PDE5A: variants seen among roughly 807,000 people sequenced by gnomAD.
PDE5A encodes phosphodiesterase 5A.
PDE5A carries 67 observed loss-of-function variants against 110.2 expected under a neutral mutation model. The ratio of observed to expected loss-of-function variants is 0.61; its 90% CI spans 0.50 to 0.75. The LOEUF is 0.75. PDE5A is among the 30% of genes least tolerant of loss of function. The probability of loss-of-function intolerance (pLI) is 0.00; values close to 1 mark genes in which losing one functional copy is unlikely to be tolerated. For missense variants in PDE5A, 862 were observed against 1,045.1 expected, an observed-to-expected ratio of 0.82 and a Z score of 2.42; for synonymous variants, 328 against 351.2, an observed-to-expected ratio of 0.93 and a Z score of 0.74.
chr4:119,580,929 G>C (rs912632335), intron 3 of PDE5A, among the ~76,000 whole-genome samples: 3 of 152,198 alleles, frequency 2.0e-5, no homozygotes. Flanking sequence ...CAGAGCCCTG[G>C]ATCTATTTAA....
chr4:119,605,139 A>G (rs1465434619), intron 2 of PDE5A, among the ~76,000 whole-genome samples: 1 of 152,122 alleles, frequency 6.6e-6, no homozygotes, highest in Non-Finnish European at 1.5e-5. Context: ...TAAACCAAAT[A>G]TATATTCCTC....
intron 7 of PDE5A, among the ~76,000 whole-genome samples, chr4:119,558,073 C>T (rs1295563815): frequency 2.0e-5 from 3 of 152,028 alleles, no homozygotes; most frequent in Admixed American, 6.6e-5. Flanking sequence ...CTAACATAAA[C>T]GGCACAACAT....
At position 119,511,585 on chromosome 4, in the gene PDE5A, A is replaced by G. The variant is rs932980953; in HGVS notation, c.2001-451T>C. On this transcript the variant is annotated intron_variant, in intron 14 of 20. Transcript: ENST00000354960. ...GGTCAGCTTATTCATGTGTGCCTGC[A>G]AATAAGAAAAGGACTGACTGAGATG... 3.3e-5 allele frequency among the ~76,000 whole-genome samples: 5 copies of G among 152,134 alleles called. No homozygotes were observed. The East Asian group carries it at 9.6e-4, about 29-fold the overall frequency.
At chr4:119,507,851 C>T in intron 15 of PDE5A, 147 bp from the exon 16 acceptor site, 1 of 604,544 alleles carries the variant, frequency 1.7e-6, no homozygotes, top group Non-Finnish European at 2.8e-6. Context: ...AATAAAGTTT[C>T]CCCTCTATGT....
At chr4:119,611,441 A>G (rs1388686953) in intron 1 of PDE5A, among the ~76,000 whole-genome samples, 3 of 151,898 alleles carry the variant, frequency 2.0e-5, no homozygotes, top group Non-Finnish European at 4.4e-5. Flanking sequence ...GAATATCTAA[A>G]TGCTGGTGTG....
intron 3 of PDE5A, among the ~76,000 whole-genome samples, chr4:119,576,262 A>G (rs1363498830): frequency 3.3e-5 from 5 of 152,214 alleles, no homozygotes; most frequent in Non-Finnish European, 2.9e-5. Flanking sequence ...CCTACTGTCA[A>G]CATTAGACAG....
At chr4:119,578,790 TG>T (rs1211258848) in intron 3 of PDE5A, among the ~76,000 whole-genome samples, 1 of 152,164 alleles carries the variant, frequency 6.6e-6, no homozygotes, top group Non-Finnish European at 1.5e-5. Context: ...AAGGACTTCA[TG>T]TCTAAAACAC....
At chr4:119,561,733 G>A (rs1028224489) in intron 6 of PDE5A, among the ~76,000 whole-genome samples, 1 of 152,054 alleles carries the variant, frequency 6.6e-6, no homozygotes, top group Admixed American at 6.5e-5. Context: ...ATATGAAATA[G>A]TATCTATGAA....
At chr4:119,578,916 A>C (rs1415664485) in intron 3 of PDE5A, among the ~76,000 whole-genome samples, 1 of 152,232 alleles carries the variant, frequency 6.6e-6, no homozygotes, top group Non-Finnish European at 1.5e-5. Context: ...ACAAAATGGG[A>C]GACAATTTTT....
chr4:119,596,589 A>G lies in PDE5A; in HGVS notation c.765T>C (p.Val255=). The change falls in exon 3 of 21, where the codon GTT becomes GTC. Residue 255 remains valine, a synonymous_variant. Transcript: ENST00000354960. ...AYEDPRFNAE[V]DQITGYKTQS... is the part of the protein sequence containing the mutation. ...GTGTCTTGTAGCCTGTAATTTGGTC[A>G]ACTTCTGCATTGAACCGAGGATCCT... 6.3e-7 allele frequency: 1 copy of G among 1,597,706 alleles called. No individual in the cohort carries two copies. Among genetic ancestry groups the G allele is most frequent in the Non-Finnish European group, 8.5e-7 (1 of 1,170,660 alleles).
At chr4:119,520,222 T>C (rs1437799130) in intron 13 of PDE5A, among the ~76,000 whole-genome samples, 1 of 152,070 alleles carries the variant, frequency 6.6e-6, no homozygotes, top group East Asian at 1.9e-4. Context: ...GAGAATAACA[T>C]TTTAAGAATT....
At chr4:119,576,917 T>C (rs1341085820) in intron 3 of PDE5A, among the ~76,000 whole-genome samples, 2 of 151,238 alleles carry the variant, frequency 1.3e-5, no homozygotes, top group Non-Finnish European at 2.9e-5. Context: ...TTTGAAAAGA[T>C]CAACAAAATT....
chr4:119,526,120 C>T (rs1726307853), intron 11 of PDE5A, among the ~76,000 whole-genome samples: 1 of 152,126 alleles, frequency 6.6e-6, no homozygotes, highest in African/African-American at 2.4e-5. Context: ...ATGTTCTAAG[C>T]ATTTTATGGT....
intron 15 of PDE5A, among the ~76,000 whole-genome samples, 191 bp from the exon 16 acceptor site, chr4:119,507,895 G>A (rs190840809): frequency 1.4e-4 from 21 of 151,830 alleles, no homozygotes; most frequent in African/African-American, 3.4e-4. Flanking sequence ...CATGTAAACC[G>A]CTTCATAATG....
intron 3 of PDE5A, among the ~76,000 whole-genome samples, chr4:119,571,418 G>T (rs1325173893): frequency 5.3e-5 from 8 of 152,140 alleles, no homozygotes; most frequent in Non-Finnish European, 1.2e-4. Flanking sequence ...TGGAATGCAG[G>T]AGAGGCAGAG....
intron 1 of PDE5A, among the ~76,000 whole-genome samples, chr4:119,623,138 A>G (rs1730218976): frequency 6.6e-6 from 1 of 152,128 alleles, no homozygotes; most frequent in Admixed American, 6.5e-5. Flanking sequence ...ACTTTCTTCA[A>G]TTTTTATTCC....
chr4:119,592,121 C>T (rs1389949184), intron 3 of PDE5A, among the ~76,000 whole-genome samples: 10 of 114,790 alleles, frequency 8.7e-5, no homozygotes, highest in African/African-American at 3.2e-4. Context: ...CACTGCACTC[C>T]AGCCTGGTGA....
chr4:119,567,641 T>C (rs1727989416), intron 3 of PDE5A, among the ~76,000 whole-genome samples: 2 of 152,176 alleles, frequency 1.3e-5, no homozygotes, highest in Non-Finnish European at 2.9e-5. Flanking sequence ...TAATTCTTAA[T>C]GTAGGGATGC....
chr4:119,593,801 G>A (rs1447126313), intron 3 of PDE5A, among the ~76,000 whole-genome samples: 1 of 152,188 alleles, frequency 6.6e-6, no homozygotes, highest in African/African-American at 2.4e-5. Context: ...AAAGGAAAGA[G>A]ATTTAATTGA....
Sources: gnomAD v4.1 joint callset for allele counts (sites outside exome capture counted in the v4.1 genomes callset) on GRCh38, gnomAD v4.1.1 for gene constraint, MANE v1.5 for transcripts, NCBI Gene and HGNC (gene_info 2026-07-23, HGNC 2026-07-21) for gene names.